ANKS1B: variants seen among roughly 807,000 people sequenced by gnomAD.
ANKS1B encodes ankyrin repeat and sterile alpha motif domain containing 1B.
Under a neutral mutation model 148.3 loss-of-function variants are expected in ANKS1B, and 36 were observed. That is an observed-to-expected ratio of 0.24 (90% CI 0.19 to 0.32). The LOEUF (loss-of-function observed/expected upper bound fraction) is 0.32. Among genes scored for constraint, ANKS1B ranks in the 10% least tolerant of loss-of-function variants. ANKS1B has a pLI of 1.00. For missense variants in ANKS1B, 1,157 were observed against 1,542.6 expected (o/e 0.75, Z 4.19); for synonymous variants, 542 against 560.8 (o/e 0.97, Z 0.47).
At chr12:99,698,714 G>C (rs1360861074) in intron 8 of ANKS1B, among the ~76,000 whole-genome samples, 1 of 152,122 alleles carries the variant, frequency 6.6e-6, no homozygotes, top group East Asian at 1.9e-4. Flanking sequence ...GGGACATGCT[G>C]TTTCATTCTT....
At chr12:99,689,372 T>C (rs1480877574) in intron 8 of ANKS1B, among the ~76,000 whole-genome samples, 1 of 152,160 alleles carries the variant, frequency 6.6e-6, no homozygotes, top group African/African-American at 2.4e-5. Flanking sequence ...CAAAGAAGAA[T>C]ACAAGAGTAA....
intron 25 of ANKS1B, among the ~76,000 whole-genome samples, chr12:98,761,391 A>G (rs1373771138): frequency 6.6e-6 from 1 of 152,222 alleles, no homozygotes; most frequent in Non-Finnish European, 1.5e-5. Context: ...GGGAAGGGGT[A>G]TACTTTTCTT....
intron 25 of ANKS1B, among the ~76,000 whole-genome samples, chr12:98,757,235 T>G (rs1417267039): frequency 2.0e-5 from 3 of 152,078 alleles, no homozygotes; most frequent in African/African-American, 4.8e-5. Flanking sequence ...TGGAGAAGAC[T>G]CAAGACCCAG....
intron 11 of ANKS1B, among the ~76,000 whole-genome samples, chr12:99,434,268 T>C (rs1323211080): frequency 1.3e-5 from 2 of 152,176 alleles, no homozygotes; most frequent in Non-Finnish European, 2.9e-5. Context: ...ATTTAAGATA[T>C]TTAAAGCAAT....
intron 17 of ANKS1B, among the ~76,000 whole-genome samples, chr12:98,982,072 T>C (rs1385115765): frequency 1.3e-5 from 2 of 152,206 alleles, no homozygotes; most frequent in Non-Finnish European, 2.9e-5. Flanking sequence ...AGAAATTGGG[T>C]ATTTCAAAGA....
At chr12:99,393,291 G>A (rs574420126) in intron 12 of ANKS1B, among the ~76,000 whole-genome samples, 1 of 152,252 alleles carries the variant, frequency 6.6e-6, no homozygotes, top group South Asian at 2.1e-4. Context: ...GTCATTCAAA[G>A]GTTTCACATG....
At chr12:99,660,643 A>G (rs1442482406) in intron 8 of ANKS1B, among the ~76,000 whole-genome samples, 1 of 152,148 alleles carries the variant, frequency 6.6e-6, no homozygotes, top group African/African-American at 2.4e-5. Flanking sequence ...GATTACAAGC[A>G]TGGGCCACCG....
At chr12:99,970,276 T>C (rs948091264) in intron 1 of ANKS1B, among the ~76,000 whole-genome samples, 2 of 152,138 alleles carry the variant, frequency 1.3e-5, no homozygotes, top group Admixed American at 6.5e-5. Flanking sequence ...ATGAAAAGTA[T>C]GCAGTAGATG....
intron 12 of ANKS1B, among the ~76,000 whole-genome samples, chr12:99,296,785 TCGAATGATTGACTATTTGA>T (rs1366334448): frequency 2.6e-5 from 4 of 152,186 alleles, no homozygotes; most frequent in Non-Finnish European, 4.4e-5. Context: ...TAAATATTTG[TCGAATGATTGACTATTTGA>T]CAAATGTGCA....
chr12:99,192,526 A>C (rs895351456), intron 14 of ANKS1B, among the ~76,000 whole-genome samples: 2 of 152,302 alleles, frequency 1.3e-5, no homozygotes, highest in Non-Finnish European at 2.9e-5. Flanking sequence ...CCTAAAAACC[A>C]GAGTTGGGTA....
At chr12:98,998,938 A>T (rs1479621813) in intron 17 of ANKS1B, among the ~76,000 whole-genome samples, 1 of 152,194 alleles carries the variant, frequency 6.6e-6, no homozygotes, top group Non-Finnish European at 1.5e-5. Context: ...ACTATTGCTA[A>T]ATTGTTAATT....
chr12:99,793,989 T>G (rs767743808), intron 4 of ANKS1B, among the ~76,000 whole-genome samples: 4 of 151,864 alleles, frequency 2.6e-5, no homozygotes, highest in Admixed American at 2.6e-4. Context: ...CATCTAATAA[T>G]ACAATTAAAA....
intron 12 of ANKS1B, among the ~76,000 whole-genome samples, chr12:99,397,482 A>G (rs922270880): frequency 6.6e-6 from 1 of 152,154 alleles, no homozygotes; most frequent in Non-Finnish European, 1.5e-5. Context: ...AGTAACCAAT[A>G]TAATTTTACA....
At chr12:99,731,696 CTATT>C (rs1415048793) in intron 8 of ANKS1B, among the ~76,000 whole-genome samples, 1 of 152,026 alleles carries the variant, frequency 6.6e-6, no homozygotes, top group Non-Finnish European at 1.5e-5. Context: ...ATGAGTCAAA[CTATT>C]AAACTTCTAG....
At chr12:99,904,928 T>C (rs1372498965) in intron 1 of ANKS1B, among the ~76,000 whole-genome samples, 1 of 152,238 alleles carries the variant, frequency 6.6e-6, no homozygotes, top group East Asian at 1.9e-4. Flanking sequence ...TTCACCTTTG[T>C]ATACTTAATT....
At chr12:99,205,040 A>G (rs1278961390) in intron 14 of ANKS1B, among the ~76,000 whole-genome samples, 1 of 152,126 alleles carries the variant, frequency 6.6e-6, no homozygotes, top group Non-Finnish European at 1.5e-5. Flanking sequence ...ATTGGATACC[A>G]CTGAGCTCTT....
intron 14 of ANKS1B, among the ~76,000 whole-genome samples, chr12:99,191,918 G>T (rs2080769520): frequency 6.6e-6 from 1 of 152,062 alleles, no homozygotes; most frequent in Non-Finnish European, 1.5e-5. Flanking sequence ...CAGATCACGA[G>T]GTCAGGAGTT....
chr12:99,205,769 G>A (rs2638562), intron 14 of ANKS1B, among the ~76,000 whole-genome samples: 126,326 of 152,172 alleles, frequency 0.83, 52,752 homozygotes, highest in African/African-American at 0.91. Context: ...GTTACTGGCA[G>A]GAGCTGCAGT....
intron 10 of ANKS1B, 134 bp from the exon 11 acceptor site, chr12:99,443,943 T>A: frequency 9.9e-7 from 1 of 1,013,814 alleles, no homozygotes. Context: ...TAATGAGGAA[T>A]ATGCTCAGTA....
Sources: gnomAD v4.1 joint callset for allele counts (sites outside exome capture counted in the v4.1 genomes callset) on GRCh38, gnomAD v4.1.1 for gene constraint, MANE v1.5 for transcripts, NCBI Gene and HGNC (gene_info 2026-07-23, HGNC 2026-07-21) for gene names.